Variants in SPHK2 observed in about 807,000 individuals in gnomAD.
SPHK2 encodes the protein sphingosine kinase 2.
Under a neutral mutation model 32.3 loss-of-function variants are expected in SPHK2, and 18 were observed. That is an observed-to-expected ratio of 0.56 (90% CI 0.39 to 0.83). SPHK2 has a LOEUF of 0.83. Ranked by LOEUF, SPHK2 falls within the 40% of genes least tolerant of loss-of-function variation. SPHK2 has a pLI of 0.00. For synonymous variants in SPHK2, 462 were observed against 417.6 expected, an observed-to-expected ratio of 1.11 and a Z score of -1.30; for missense variants, 850 against 908.7, an observed-to-expected ratio of 0.94 and a Z score of 0.83.
Position 48,628,958 on chromosome 19 carries a change from G to C in SPHK2, c.1150G>C (p.Glu384Gln), listed in dbSNP as rs748690752. ...CCTCTCCTACCTCCCCGCCACTGTG[G>C]AACCTGCCTCGCCCACCCCTGCCCA... ...GRLSYLPATV[E>Q]PASPTPAHSL... Residue 384 changes from glutamate (E) to glutamine (Q), a missense_variant, in exon 7 of 7, where the codon GAA becomes CAA. By Grantham distance (29) the Glu-to-Gln change is conservative. Coordinates refer to ENST00000245222, the MANE Select transcript of SPHK2 (RefSeq NM_020126.5). The surrounding 1 kb of genome is among the most constrained non-coding windows in gnomAD (Gnocchi z 5.2). The C allele has an allele frequency of 2.5e-6, 4 of 1,613,682 alleles. No individual in the cohort carries two copies. The South Asian group carries it at 4.4e-5, about 18-fold the overall frequency.
At chr19:48,620,636 A>T (rs1194838847) in intron 2 of SPHK2, 83 bp downstream of exon 2, 3 of 1,132,540 alleles carry the variant, frequency 2.6e-6, no homozygotes, top group Non-Finnish European at 3.8e-6. Flanking sequence ...AAAAAAAAAA[A>T]TTGGAGGCCA....
In SPHK2 at chr19:48,626,106, C is replaced by T; in HGVS notation, c.255C>T (p.Ala85=). The change falls in exon 3 of 7, where the codon GCC becomes GCT. Residue 85 remains alanine, a synonymous_variant. Transcript: ENST00000245222. ...AGCGGCTGCGCCCCAAACCTGAAGC[C>T]AGGCCCCGGGGTGGCCTGGTCCCGT... ...HIQRLRPKPE[A]RPRGGLVPLA... 1 of 1,611,136 alleles carries T rather than the reference C, an allele frequency of 6.2e-7. No homozygotes were observed. Among genetic ancestry groups the T allele is most frequent in the Non-Finnish European group, 8.5e-7 (1 of 1,178,684 alleles).
chr19:48,622,757 C>CTTTTT lies in SPHK2; in HGVS notation c.39+2226_39+2230dup, dbSNP rs779108312. 6.4e-5 allele frequency among the ~76,000 whole-genome samples: 7 copies of CTTTTT among 108,546 alleles called. 1 individual carries two copies. The highest frequency in any genetic ancestry group is 1.3e-4 in the African/African-American group (4 of 30,250). The allele number at this position is 108,546 out of a possible 152,430, so 71.2% of individuals were successfully genotyped here. On this transcript the variant is annotated intron_variant, in intron 2 of 6. Coordinates refer to ENST00000245222, the MANE Select transcript of SPHK2 (RefSeq NM_020126.5). ...CAAACTTCTTCCTACATTTGTCTCT[C>CTTTTT]TTTTTTTTTTTTTTTTTTTTTTTTT...
chr19:48,629,020 C>A lies in SPHK2; in HGVS notation c.1212C>A (p.Thr404=), dbSNP rs1226150008. The A allele has an allele frequency of 2.5e-6, 4 of 1,613,526 alleles. No individual in the cohort carries two copies. The African/African-American group carries it at 5.3e-5, about 22-fold the overall frequency. ...GTGCCAAGTCGGAGCTGACCCTAAC[C>A]CCAGACCCAGCCCCGCCCATGGCCC... ...LPRAKSELTL[T]PDPAPPMAHS... The change falls in exon 7 of 7, where the codon ACC becomes ACA. Residue 404 remains threonine, a synonymous_variant. Transcript: ENST00000245222.
In SPHK2 at chr19:48,630,242, GGTTCCCCGGGGCCGGCGCT is replaced by G; in HGVS notation, c.*470_*488del. 1 of 1,277,544 alleles carries G rather than the reference GGTTCCCCGGGGCCGGCGCT, an allele frequency of 7.8e-7. No homozygotes were observed. The highest frequency in any genetic ancestry group is 9.9e-7 in the Non-Finnish European group (1 of 1,012,298). The allele number at this position is 1,277,544 out of a possible 1,614,324, so 79.1% of individuals were successfully genotyped here. A position where few individuals can be genotyped will look rare whatever the true frequency, so the allele number is the denominator to read the frequency against. On this transcript the variant is annotated 3_prime_UTR_variant, in exon 7 of 7. Coordinates refer to ENST00000245222, the MANE Select transcript of SPHK2 (RefSeq NM_020126.5). This position sits in a 1 kb window ranked among gnomAD's most constrained non-coding sequence, Gnocchi z 4.9. Reference sequence around the variant, plus strand: ...CTGGCCAATCAGCCCAGGAGGGGCAGGTTCCCCGGGGCCGGCGCTAGGATTTGCACTAATGTTCCTCTCC... The same window carrying G: ...CTGGCCAATCAGCCCAGGAGGGGCAGAGGATTTGCACTAATGTTCCTCTCC...
At chr19:48,625,667 T>C (rs912456433) in intron 2 of SPHK2, 16 of 1,533,100 alleles carry the variant, frequency 1.0e-5, no homozygotes, top group Non-Finnish European at 1.4e-5. Flanking sequence ...GGGGAATAAA[T>C]GATTGGATGT....
At chr19:48,619,944 A>G (rs1974335139) in intron 1 of SPHK2, 1 of 153,578 alleles carries the variant, frequency 6.5e-6, no homozygotes, top group South Asian at 1.9e-4. Flanking sequence ...GTGGCAAAGA[A>G]AGATGGTGAG....
rs750305488 is a variant in SPHK2, at chr19:48,628,736, C to T, written c.928C>T (p.Arg310Trp). 19 of 1,613,018 alleles carry T rather than the reference C, an allele frequency of 1.2e-5. No individual in the cohort carries two copies. The highest frequency in any genetic ancestry group is 1.4e-5 in the Non-Finnish European group (16 of 1,180,028). The change falls in exon 7 of 7, where the codon CGG becomes TGG. Residue 310 changes from arginine to tryptophan, a missense_variant. Physicochemically the swap from Arg to Trp is moderately radical, Grantham distance 101. Transcript: ENST00000245222. The surrounding 1 kb of genome is among the most constrained non-coding windows in gnomAD (Gnocchi z 5.2). The part of the protein sequence containing the change: ...LLLNCSLLLC[R>W]GGGHPLDLLS... ...GCTCAACTGCTCACTGTTGCTGTGC[C>T]GGGGTGGTGGCCACCCACTGGACCT...
chr19:48,625,715 GCCTCTGTCCCGCAT>G (rs1331784514), intron 2 of SPHK2, 162 bp from the exon 3 acceptor site: 59 of 1,534,966 alleles, frequency 3.8e-5, no homozygotes, highest in Non-Finnish European at 5.0e-5. Context: ...TGGGATGCTG[GCCTCTGTCCCGCAT>G]CCTCAAGGTC....
Position 48,630,084 on chromosome 19 carries a change from T to C in SPHK2, c.*311T>C, listed in dbSNP as rs2030471426. 4 of 1,276,892 alleles carry C rather than the reference T, an allele frequency of 3.1e-6. No individual in the cohort carries two copies. In the South Asian group the frequency reaches 1.1e-4, roughly 35 times the overall value. The allele number at this position is 1,276,892 out of a possible 1,614,324, so 79.1% of individuals were successfully genotyped here. On this transcript the variant is annotated 3_prime_UTR_variant, in exon 7 of 7. Transcript: ENST00000245222. This position sits in a 1 kb window ranked among gnomAD's most constrained non-coding sequence, Gnocchi z 4.9. ...GCCACCTGCTCCTACCCGGCCAGGA[T>C]GGCTGAGGGCGGAGTCTATTTTACG... is the stretch of plus-strand genomic sequence containing the variant.
rs747521041 is a variant in SPHK2, at chr19:48,628,788, C to T, written c.980C>T (p.Ser327Phe). The T allele has an allele frequency of 2.1e-5, 34 of 1,613,416 alleles. No individual in the cohort carries two copies. The Admixed American group carries it at 4.7e-4, about 22-fold the overall frequency. ...CTCTCCGTGACGCTGGCCTCGGGCT[C>T]CCGCTGTTTCTCCTTCCTGTCTGTG... ...DLLSVTLASG[S>F]RCFSFLSVAW... Residue 327 changes from serine (S) to phenylalanine (F), a missense_variant, in exon 7 of 7, where the codon TCC (serine) becomes TTC (phenylalanine). By Grantham distance (155) the Ser-to-Phe change is radical. Transcript: ENST00000245222. This position sits in a 1 kb window ranked among gnomAD's most constrained non-coding sequence, Gnocchi z 5.2.
At position 48,629,662 on chromosome 19, in the gene SPHK2, G is replaced by T; in HGVS notation, c.1854G>T (p.Val618=). The part of the protein sequence containing the change: ...FRLEPLTPRG[V]LTVDGEQVEY... ...TAGAGCCGCTCACACCACGCGGCGT[G>T]CTCACAGTGGACGGGGAGCAGGTGG... The change falls in exon 7 of 7, where the codon GTG becomes GTT. Residue 618 remains valine (V), a synonymous_variant. Transcript: ENST00000245222. 1 of 1,606,156 alleles carries T rather than the reference G, an allele frequency of 6.2e-7. No individual in the cohort carries two copies. Among genetic ancestry groups the T allele is most frequent in the Non-Finnish European group, 8.5e-7 (1 of 1,177,100 alleles).
chr19:48,630,310 C>G lies in SPHK2; in HGVS notation c.*537C>G. 4.6e-6 allele frequency: 6 copies of G among 1,292,770 alleles called. No homozygotes were observed. The highest frequency in any genetic ancestry group is 5.9e-6 in the Non-Finnish European group (6 of 1,021,140). The allele number at this position is 1,292,770 out of a possible 1,614,324, so 80.1% of individuals were successfully genotyped here. Reference sequence around the variant, plus strand: ...CCCCGCGGGTGGGGGCGGGGAAATTCATATCCCCTGTTCGTCTCATGCGCG... The same window carrying G: ...CCCCGCGGGTGGGGGCGGGGAAATTGATATCCCCTGTTCGTCTCATGCGCG... On this transcript the variant is annotated 3_prime_UTR_variant, in exon 7 of 7. Transcript: ENST00000245222. This position sits in a 1 kb window ranked among gnomAD's most constrained non-coding sequence, Gnocchi z 4.9.
chr19:48,629,834 A>G lies in SPHK2; in HGVS notation c.*61A>G, dbSNP rs1367090348. 27 of 1,500,626 alleles carry G rather than the reference A, an allele frequency of 1.8e-5. No homozygotes were observed. Among genetic ancestry groups the G allele is most frequent in the Non-Finnish European group, 1.1e-5 (12 of 1,125,130 alleles). 93.0% of individuals were successfully genotyped at this position (1,500,626 alleles called of 1,614,324 possible). A position where few individuals can be genotyped will look rare whatever the true frequency, so the allele number is the denominator to read the frequency against. On this transcript the variant is annotated 3_prime_UTR_variant, in exon 7 of 7. Transcript: ENST00000245222. ...CTACATTCCAATGGGGCGGAGCCTGAGCTAGGGGGTGTGGCCTGGCTGCTA... is the reference window on the plus strand; with the variant it reads ...CTACATTCCAATGGGGCGGAGCCTGGGCTAGGGGGTGTGGCCTGGCTGCTA...
chr19:48,625,740 T>G lies in SPHK2; in HGVS notation c.40-151T>G, dbSNP rs1292028961. The G allele has an allele frequency of 2.6e-6, 4 of 1,535,380 alleles. No homozygotes were observed. In the Admixed American group the frequency reaches 7.8e-5, roughly 30 times the overall value. On this transcript the variant is annotated intron_variant, in intron 2 of 6. Transcript: ENST00000245222. ...GCCTCTGTCCCGCATCCTCAAGGTC[T>G]GCCCACACCTGTCTGAGCCTGTCTG...
At position 48,628,740 on chromosome 19, in the gene SPHK2, G is replaced by A. The variant is rs751480544; in HGVS notation, c.932G>A (p.Gly311Asp). 1 of 1,613,166 alleles carries A rather than the reference G, an allele frequency of 6.2e-7. No homozygotes were observed. The highest frequency in any genetic ancestry group is 8.5e-7 in the Non-Finnish European group (1 of 1,180,026). Residue 311 changes from glycine (G) to aspartate (D), a missense_variant, in exon 7 of 7, where the codon GGT becomes GAT. This residue lies in a region of SPHK2 where 544 missense variants were observed against 640.0 expected (regional missense o/e 0.85). Transcript: ENST00000245222. The surrounding 1 kb of genome is among the most constrained non-coding windows in gnomAD (Gnocchi z 5.2). ...AACTGCTCACTGTTGCTGTGCCGGG[G>A]TGGTGGCCACCCACTGGACCTGCTC... ...LLNCSLLLCR[G>D]GGHPLDLLSV...
intron 1 of SPHK2, among the ~76,000 whole-genome samples, chr19:48,620,075 C>A (rs1974340154): frequency 6.6e-6 from 1 of 152,056 alleles, no homozygotes; most frequent in South Asian, 2.1e-4. Flanking sequence ...CTTCTTTGGG[C>A]CTTACTCTCC....
intron 2 of SPHK2, among the ~76,000 whole-genome samples, chr19:48,621,634 C>T (rs1170935697): frequency 6.6e-6 from 1 of 151,944 alleles, no homozygotes; most frequent in African/African-American, 2.4e-5. Flanking sequence ...TATTTAGGTG[C>T]ACTGGCCCAG....
rs755690785 is a variant in SPHK2 at position 48,629,085 on chromosome 19, CCCTGCCCCAG to C, written c.1285_1294del (p.Gln429TrpfsTer61). 2 of 1,613,554 alleles carry C rather than the reference CCCTGCCCCAG, an allele frequency of 1.2e-6. No homozygotes were observed. Among genetic ancestry groups the C allele is most frequent in the South Asian group, 1.1e-5 (1 of 91,086 alleles). ...CGTTCTGTGTCTGACCTGCCTCTTC[CCCTGCCCCAG>C]CCTGCCCTGGCCTCTCCTGGCTCGC... On this transcript the variant is annotated frameshift_variant, in exon 7 of 7. Transcript: ENST00000245222. LOFTEE classifies it low-confidence loss of function (END_TRUNC).
Sources: allele counts gnomAD v4.1 joint callset (sites outside exome capture counted in the v4.1 genomes callset), GRCh38; gene constraint gnomAD v4.1.1; regional missense constraint gnomAD v4.1.1; non-coding constraint Gnocchi (gnomAD v3.1); transcripts MANE v1.5; gene names NCBI Gene and HGNC (gene_info 2026-07-23, HGNC 2026-07-21).